RFC2: variants seen among roughly 807,000 people sequenced by gnomAD.
RFC2 encodes the protein replication factor C subunit 2.
RFC2 carries 34 observed loss-of-function variants against 44.8 expected under a neutral mutation model. That is an observed-to-expected ratio of 0.76 (90% confidence interval 0.58 to 1.01). RFC2 has a LOEUF of 1.01. RFC2 is among the 50% of genes least tolerant of loss of function. The probability of loss-of-function intolerance (pLI) is 0.00; values close to 1 mark genes in which losing one functional copy is unlikely to be tolerated. For synonymous variants in RFC2, 177 were observed against 168.9 expected (o/e 1.05, Z -0.37); for missense variants, 400 against 453.6 (o/e 0.88, Z 1.07).
At chr7:74,247,097 A>AC (rs1356444460) in intron 4 of RFC2, among the ~76,000 whole-genome samples, 1 of 137,754 alleles carries the variant, frequency 7.3e-6, no homozygotes. Flanking sequence ...ACGCCACTGC[A>AC]CCCCAGCCTG....
chr7:74,251,509 C>A (rs1786942198), intron 2 of RFC2, among the ~76,000 whole-genome samples: 1 of 152,150 alleles, frequency 6.6e-6, no homozygotes, highest in African/African-American at 2.4e-5. Flanking sequence ...CTTTTAAAAA[C>A]CTACTCAAGG....
At chr7:74,248,316 G>A (rs140649497) in intron 4 of RFC2, among the ~76,000 whole-genome samples, 2 of 151,948 alleles carry the variant, frequency 1.3e-5, no homozygotes, top group East Asian at 3.9e-4. Flanking sequence ...ACCAGACTGG[G>A]CAACATAGTG....
chr7:74,243,599 T>C (rs1803451620), intron 5 of RFC2, among the ~76,000 whole-genome samples: 1 of 150,618 alleles, frequency 6.6e-6, no homozygotes, highest in Admixed American at 6.6e-5. Flanking sequence ...TCTTCCTTTT[T>C]TATTCTTTTT....
intron 2 of RFC2, among the ~76,000 whole-genome samples, chr7:74,250,046 G>A (rs560335015): frequency 1.1e-3 from 165 of 151,708 alleles, no homozygotes; most frequent in Non-Finnish European, 1.0e-3. Context: ...CCAGCTACTC[G>A]GGAGGCTAAA....
chr7:74,251,145 G>C (rs1786914123), intron 2 of RFC2, among the ~76,000 whole-genome samples: 1 of 151,784 alleles, frequency 6.6e-6, no homozygotes, highest in Non-Finnish European at 1.5e-5. Context: ...TCACTATGAA[G>C]CCCAAACTCT....
intron 2 of RFC2, 114 bp from the exon 3 acceptor site, chr7:74,249,894 C>T (rs2116338918): frequency 2.2e-6 from 2 of 908,962 alleles, no homozygotes; most frequent in East Asian, 4.9e-5. Context: ...CACAATGGCT[C>T]AGGCCTGTAA....
rs1803157926 is a variant in RFC2 at position 74,238,789 on chromosome 7, C to G, written c.759+134G>C. On this transcript the variant is annotated intron_variant, in intron 8 of 10. Transcript: ENST00000055077. The surrounding 1 kb of genome is among the most constrained non-coding windows in gnomAD (Gnocchi z 4.0). ...GCAATAGGGAGAGGACAGACGGGAG[C>G]AGGGTGGGCTCCCTGGCACCCACAA... 1.0e-5 allele frequency: 7 copies of G among 676,188 alleles called. No homozygotes were observed. The highest frequency in any genetic ancestry group is 6.9e-5 in the Admixed American group (3 of 43,770). The allele number at this position is 676,188 out of a possible 1,614,324, so 41.9% of individuals were successfully genotyped here. A position where few individuals can be genotyped will look rare whatever the true frequency, so the allele number is the denominator to read the frequency against.
intron 1 of RFC2, 87 bp downstream of exon 1, chr7:74,254,182 CCT>C (rs1303924079): frequency 6.1e-6 from 6 of 989,556 alleles, no homozygotes; most frequent in Non-Finnish European, 7.9e-6. Flanking sequence ...AAAACGAGCC[CCT>C]GACCCCCGAG....
At chr7:74,239,891 A>G (rs376933809) in intron 7 of RFC2, 47 bp downstream of exon 7, 2 of 1,520,166 alleles carry the variant, frequency 1.3e-6, no homozygotes, top group African/African-American at 2.7e-5. Flanking sequence ...TGGAAGGGGC[A>G]TGGCAGGCAC....
rs1248365995 is a variant in RFC2, at chr7:74,235,413, C to T, written c.954+119G>A. The T allele has an allele frequency of 6.9e-6, 5 of 724,140 alleles. No individual in the cohort carries two copies. In the African/African-American group the frequency reaches 7.0e-5, roughly 10 times the overall value. The allele number at this position is 724,140 out of a possible 1,614,324, so 44.9% of individuals were successfully genotyped here. On this transcript the variant is annotated intron_variant, in intron 10 of 10. Transcript: ENST00000055077. The stretch of plus-strand genomic sequence containing the variant: ...GCCAGGCTGGTCTCGAACTCCTGAC[C>T]TCAGGTGATCTGCCCACCTCGGCCT...
Position 74,249,064 on chromosome 7 carries a change from G to A in RFC2, c.280C>T (p.Leu94=). The A allele has an allele frequency of 6.2e-7, 1 of 1,614,020 alleles. No individual in the cohort carries two copies. The highest frequency in any genetic ancestry group is 2.2e-5 in the East Asian group (1 of 44,876). The change falls in exon 4 of 11, where the codon CTG becomes TTG. Residue 94 remains leucine (L), a synonymous_variant. Transcript: ENST00000055077. ...ATGGCATCTTTGAGTGCTGGGCCCAGCAGGGCCCGGGCCAAGCACAGAATG... is the reference window on the plus strand; with the variant it reads ...ATGGCATCTTTGAGTGCTGGGCCCAACAGGGCCCGGGCCAAGCACAGAATG... ...TSILCLARAL[L]GPALKDAMLE... is the part of the protein sequence containing the mutation.
intron 5 of RFC2, among the ~76,000 whole-genome samples, chr7:74,245,859 G>A (rs965637250): frequency 1.2e-4 from 18 of 151,828 alleles, no homozygotes; most frequent in African/African-American, 4.1e-4. Flanking sequence ...TCAGGAGTTC[G>A]AGACCAGCCT....
intron 7 of RFC2, among the ~76,000 whole-genome samples, chr7:74,239,469 C>T (rs1479581514): frequency 1.3e-5 from 2 of 151,852 alleles, no homozygotes; most frequent in African/African-American, 2.4e-5. Context: ...GTAGCTGAGA[C>T]TACAGGCGCC....
In RFC2 at chr7:74,246,778, G is replaced by A; in HGVS notation, c.333-15C>T. On this transcript the variant is annotated splice_polypyrimidine_tract_variant and intron_variant, in intron 4 of 10. Coordinates refer to ENST00000055077, the MANE Select transcript of RFC2 (RefSeq NM_181471.3). ...CGTCAATGCCCCTGAAAGAATGACA[G>A]GTTTTTACTGGCACCTTCTGAGACC... 1 of 1,550,716 alleles carries A rather than the reference G, an allele frequency of 6.4e-7. No homozygotes were observed. Among genetic ancestry groups the A allele is most frequent in the Non-Finnish European group, 8.9e-7 (1 of 1,123,894 alleles).
At position 74,231,969 on chromosome 7, in the gene RFC2, C is replaced by T. The variant is rs1020954654; in HGVS notation, c.*137G>A. The T allele has an allele frequency of 9.3e-6, 6 of 643,214 alleles. No homozygotes were observed. Among genetic ancestry groups the T allele is most frequent in the African/African-American group, 5.5e-5 (3 of 54,880 alleles). 39.8% of individuals were successfully genotyped at this position (643,214 alleles called of 1,614,324 possible). A position where few individuals can be genotyped will look rare whatever the true frequency, so the allele number is the denominator to read the frequency against. On this transcript the variant is annotated 3_prime_UTR_variant, in exon 11 of 11. Transcript: ENST00000055077. ...TGTTGGGATTACAGGCGTGAGCTAC[C>T]GTGCCTGGCCAGCCACTGGAGTTTA...
chr7:74,240,712 CA>C (rs1307717147), intron 6 of RFC2, among the ~76,000 whole-genome samples: 3 of 152,296 alleles, frequency 2.0e-5, no homozygotes, highest in African/African-American at 7.2e-5. Flanking sequence ...AGCCCTGGCC[CA>C]GGTGGACTCT....
rs1315469285 is a variant in RFC2, at chr7:74,235,612, G to A, written c.874C>T (p.Pro292Ser). 1 of 1,613,474 alleles carries A rather than the reference G, an allele frequency of 6.2e-7. No homozygotes were observed. Among genetic ancestry groups the A allele is most frequent in the Non-Finnish European group, 8.5e-7 (1 of 1,179,490 alleles). The change falls in exon 10 of 11, where the codon CCA becomes TCA. Residue 292 changes from proline (P) to serine (S), a missense_variant. Transcript: ENST00000055077. The stretch of plus-strand genomic sequence containing the variant: ...AAGATGTTGCCAATGATATCTTCTG[G>A]TGAGTAGCCCAGATGCCACAAGTGA... ...LAHLWHLGYS[P>S]EDIIGNIFRV...
intron 6 of RFC2, among the ~76,000 whole-genome samples, chr7:74,241,165 AG>A (rs1362002385): frequency 6.6e-6 from 1 of 152,126 alleles, no homozygotes; most frequent in African/African-American, 2.4e-5. Flanking sequence ...TCCAGACCTT[AG>A]GGGATCCACC....
chr7:74,239,302 A>G (rs1803194032), intron 7 of RFC2, among the ~76,000 whole-genome samples: 1 of 147,804 alleles, frequency 6.8e-6, no homozygotes, highest in East Asian at 2.0e-4. Flanking sequence ...CGGCCTCCTG[A>G]GTAGCTGGGA....
Sources: gnomAD v4.1 joint callset for allele counts (sites outside exome capture counted in the v4.1 genomes callset) on GRCh38, gnomAD v4.1.1 for gene constraint, Gnocchi (gnomAD v3.1) non-coding constraint, MANE v1.5 for transcripts, NCBI Gene and HGNC (gene_info 2026-07-23, HGNC 2026-07-21) for gene names.